TRIP12: variants seen among roughly 807,000 people sequenced by gnomAD.
The protein encoded by TRIP12 is E3 ubiquitin-protein ligase TRIP12.
In TRIP12, 25 loss-of-function variants were observed where a neutral mutation model predicts 244.2. The observed-to-expected ratio is 0.10, with a 90% CI of 0.07 to 0.14. TRIP12 has a LOEUF of 0.14. TRIP12 is among the 10% of genes least tolerant of loss of function. The probability of loss-of-function intolerance (pLI) is 1.00; values close to 1 mark genes in which losing one functional copy is unlikely to be tolerated. For synonymous variants in TRIP12, 905 were observed against 873.1 expected (o/e 1.04, Z -0.64); for missense variants, 1,677 against 2,486.4 (o/e 0.67, Z 6.92).
rs2031717419 is a variant in TRIP12, at chr2:229,766,323, T to C, written c.*1231A>G. ...TGGAGATATGTGGATTTCCTTGCAT[T>C]GAAATACATCTATACAATTGAAAGT... On this transcript the variant is annotated 3_prime_UTR_variant, in exon 42 of 42. Coordinates refer to ENST00000675903, the MANE Select transcript of TRIP12 (RefSeq NM_001348323.3). 1 of 152,178 alleles carries C rather than the reference T, an allele frequency of 6.6e-6. No homozygotes were observed. The highest frequency in any genetic ancestry group is 2.4e-5 in the African/African-American group (1 of 41,448). 9.4% of individuals were successfully genotyped at this position (152,178 alleles called of 1,614,324 possible). A position where few individuals can be genotyped will look rare whatever the true frequency, so the allele number is the denominator to read the frequency against.
chr2:229,817,039 G>T (rs772824157), intron 9 of TRIP12, among the ~76,000 whole-genome samples: 1 of 152,154 alleles, frequency 6.6e-6, no homozygotes, highest in African/African-American at 2.4e-5. Context: ...TGAAGAAATT[G>T]TTCTATCCTT....
intron 1 of TRIP12, among the ~76,000 whole-genome samples, chr2:229,913,585 A>G (rs895881280): frequency 6.6e-6 from 1 of 152,228 alleles, no homozygotes; most frequent in African/African-American, 2.4e-5. Context: ...GCTGATTTTA[A>G]TGAGCCTAAT....
At chr2:229,879,947 C>T (rs1381214900) in intron 2 of TRIP12, 35 bp downstream of exon 2, 1 of 1,608,336 alleles carries the variant, frequency 6.2e-7, no homozygotes, top group Admixed American at 1.7e-5. Context: ...TTCTTTTATT[C>T]CCAATTCCTT....
At chr2:229,780,101 G>A (rs1402962473) in intron 34 of TRIP12, among the ~76,000 whole-genome samples, 4 of 152,100 alleles carry the variant, frequency 2.6e-5, no homozygotes, top group African/African-American at 4.8e-5. Flanking sequence ...TCCACTAAAC[G>A]TTTAACTCTC....
intron 8 of TRIP12, among the ~76,000 whole-genome samples, chr2:229,824,253 T>G (rs1217136163): frequency 9.9e-5 from 15 of 152,138 alleles, no homozygotes; most frequent in Non-Finnish European, 1.9e-4. Context: ...CGAAGATACA[T>G]ATAACTAAAA....
intron 34 of TRIP12, among the ~76,000 whole-genome samples, chr2:229,783,152 A>G (rs1323006903): frequency 6.6e-6 from 1 of 152,238 alleles, no homozygotes; most frequent in Non-Finnish European, 1.5e-5. Flanking sequence ...CAAGCTAGGA[A>G]TAACTTGTAT....
rs547253858 is a variant in TRIP12 at position 229,844,963 on chromosome 2, T to C, written c.1028-4036A>G. Among the ~76,000 whole-genome samples, 4 of 152,344 alleles carry C rather than the reference T, an allele frequency of 2.6e-5. No homozygotes were observed. In the South Asian group the frequency reaches 8.3e-4, roughly 32 times the overall value. On this transcript the variant is annotated intron_variant, in intron 4 of 41. Coordinates refer to ENST00000675903, the MANE Select transcript of TRIP12 (RefSeq NM_001348323.3). ...AATGTCTTCTCCAACACATTTCTAC[T>C]ATTACACAAGAGGGTCAAACACCAA...
At chr2:229,831,874 G>GT (rs1553657254) in intron 6 of TRIP12, among the ~76,000 whole-genome samples, 20 of 143,564 alleles carry the variant, frequency 1.4e-4, no homozygotes, top group African/African-American at 2.4e-4. Flanking sequence ...GGTTTTTTTT[G>GT]TTTGTTTTTT....
intron 1 of TRIP12, among the ~76,000 whole-genome samples, chr2:229,899,118 C>G (rs1463148093): frequency 6.6e-6 from 1 of 152,126 alleles, no homozygotes; most frequent in Non-Finnish European, 1.5e-5. Flanking sequence ...CTAAACAAAA[C>G]CACAGCCATC....
chr2:229,872,490 G>A (rs938899239), intron 2 of TRIP12, among the ~76,000 whole-genome samples: 1 of 152,046 alleles, frequency 6.6e-6, no homozygotes, highest in Non-Finnish European at 1.5e-5. Context: ...CTTGAACTCG[G>A]GAGGCAGAGG....
chr2:229,795,157 A>G, intron 26 of TRIP12, 22 bp downstream of exon 26: 1 of 1,610,266 alleles, frequency 6.2e-7, no homozygotes, highest in South Asian at 1.1e-5. Flanking sequence ...TGGCAAGGGT[A>G]TAGCCAGGCA....
intron 4 of TRIP12, among the ~76,000 whole-genome samples, chr2:229,855,795 A>G (rs1486960964): frequency 2.0e-5 from 3 of 152,016 alleles, no homozygotes; most frequent in African/African-American, 7.3e-5. Flanking sequence ...TAATCCCAGC[A>G]CTTTGGAAGG....
rs557210810 is a variant in TRIP12, at chr2:229,919,120, C to G, written c.-50+2760G>C. Among the ~76,000 whole-genome samples, 5 of 152,228 alleles carry G rather than the reference C, an allele frequency of 3.3e-5. No individual in the cohort carries two copies. In the East Asian group the frequency reaches 9.6e-4, roughly 29 times the overall value. On this transcript the variant is annotated intron_variant, in intron 1 of 41. Coordinates refer to ENST00000675903, the MANE Select transcript of TRIP12 (RefSeq NM_001348323.3). The stretch of plus-strand genomic sequence containing the variant: ...AGATAACATAAATACAATAATCTTA[C>G]AAGTTACACTGGGGCCGGCGTGGTG...
intron 21 of TRIP12, among the ~76,000 whole-genome samples, chr2:229,800,587 T>C (rs7592697): frequency 0.34 from 51,839 of 152,096 alleles, 8,968 homozygotes; most frequent in Middle Eastern, 0.46. Flanking sequence ...TAAACAATTT[T>C]CATTTAAAAA....
chr2:229,862,467 A>T (rs2060632630), intron 2 of TRIP12, among the ~76,000 whole-genome samples: 1 of 152,112 alleles, frequency 6.6e-6, no homozygotes, highest in South Asian at 2.1e-4. Context: ...CTACATTCTT[A>T]TTTTCTTAAA....
At chr2:229,845,346 A>T (rs374911696) in intron 4 of TRIP12, among the ~76,000 whole-genome samples, 2 of 152,214 alleles carry the variant, frequency 1.3e-5, no homozygotes, top group East Asian at 3.8e-4. Flanking sequence ...GGTGTTGACA[A>T]ACGGCAGCCT....
intron 1 of TRIP12, among the ~76,000 whole-genome samples, chr2:229,905,393 T>C (rs1369344830): frequency 6.6e-6 from 1 of 151,906 alleles, no homozygotes; most frequent in Non-Finnish European, 1.5e-5. Context: ...AGAGAGAAGA[T>C]ATATTTTGAA....
chr2:229,849,354 T>C (rs1357700225), intron 4 of TRIP12, among the ~76,000 whole-genome samples: 1 of 152,152 alleles, frequency 6.6e-6, no homozygotes, highest in Non-Finnish European at 1.5e-5. Context: ...AGGAAGTATG[T>C]AACAGTATGT....
rs372805943 is a variant in TRIP12 at position 229,814,177 on chromosome 2, G to A, written c.1824+56C>T. On this transcript the variant is annotated intron_variant, in intron 12 of 41. Coordinates refer to ENST00000675903, the MANE Select transcript of TRIP12 (RefSeq NM_001348323.3). Reference sequence around the variant, plus strand: ...CAATCAAGTAGCCTGTACAAATGTGGATTTTAAAAATTCTACATAAAGTGA... The same window carrying A: ...CAATCAAGTAGCCTGTACAAATGTGAATTTTAAAAATTCTACATAAAGTGA... The A allele has an allele frequency of 7.7e-3, 12,278 of 1,589,726 alleles. 91 individuals carry two copies. Among genetic ancestry groups the A allele is most frequent in the Middle Eastern group, 0.039 (234 of 5,974 alleles).
Sources: gnomAD v4.1 joint callset for allele counts (sites outside exome capture counted in the v4.1 genomes callset) on GRCh38, gnomAD v4.1.1 for gene constraint, MANE v1.5 for transcripts, NCBI Gene and HGNC (gene_info 2026-07-23, HGNC 2026-07-21) for gene names.